The following TAOK1 variants were observed in gnomAD, a reference collection of about 807,000 sequenced individuals.
The protein encoded by TAOK1 is TAO kinase 1, also known as serine/threonine-protein kinase TAO1.
TAOK1 carries 21 observed loss-of-function variants against 138.3 expected under a neutral mutation model. That is an observed-to-expected ratio of 0.15 (90% CI 0.11 to 0.22). The LOEUF is 0.22. Among genes scored for constraint, TAOK1 ranks in the 10% least tolerant of loss-of-function variants. The pLI is 1.00. For missense variants in TAOK1, 651 were observed against 1,227.7 expected, an observed-to-expected ratio of 0.53 and a Z score of 7.02; for synonymous variants, 361 against 398.4, an observed-to-expected ratio of 0.91 and a Z score of 1.12.
intron 12 of TAOK1, among the ~76,000 whole-genome samples, chr17:29,501,672 A>G (rs1386388389): frequency 6.6e-6 from 1 of 152,198 alleles, no homozygotes; most frequent in African/African-American, 2.4e-5. Context: ...TATATTGGCT[A>G]CATGTTTCAT....
In TAOK1 at chr17:29,497,906, G is replaced by A. The variant is rs1032393145; in HGVS notation, c.1000-412G>A. On this transcript the variant is annotated intron_variant, in intron 11 of 19. Coordinates refer to ENST00000261716, the MANE Select transcript of TAOK1 (RefSeq NM_020791.4). ...CGCCGTAGGCACTGTGCCCAGAATA[G>A]CCAGTGCTTTTTTTTTTTAAAAGGA... 4.0e-5 allele frequency among the ~76,000 whole-genome samples: 6 copies of A among 151,668 alleles called. No homozygotes were observed. In the East Asian group the frequency reaches 7.7e-4, roughly 20 times the overall value.
intron 14 of TAOK1, 47 bp downstream of exon 14, chr17:29,508,179 T>G: frequency 6.5e-7 from 1 of 1,532,622 alleles, no homozygotes; most frequent in Non-Finnish European, 9.0e-7. Flanking sequence ...GTTTTGAATG[T>G]CTCAGAATTA....
intron 11 of TAOK1, among the ~76,000 whole-genome samples, chr17:29,496,650 C>T (rs558105159): frequency 3.7e-5 from 5 of 136,886 alleles, no homozygotes; most frequent in African/African-American, 8.2e-5. Flanking sequence ...TACAGTGGCA[C>T]GATCTCGGCT....
chr17:29,438,482 C>G (rs996651688), intron 1 of TAOK1, among the ~76,000 whole-genome samples: 3 of 152,066 alleles, frequency 2.0e-5, no homozygotes, highest in Non-Finnish European at 2.9e-5. Context: ...CTCAGAAGTT[C>G]GAGAATAGCG....
At chr17:29,413,984 G>A (rs530219506) in intron 1 of TAOK1, among the ~76,000 whole-genome samples, 69 of 139,898 alleles carry the variant, frequency 4.9e-4, no homozygotes, top group African/African-American at 1.7e-3. Context: ...CGGGGTTCAC[G>A]CCATTCTCCT....
At chr17:29,404,272 C>T (rs578098012) in intron 1 of TAOK1, among the ~76,000 whole-genome samples, 1 of 152,250 alleles carries the variant, frequency 6.6e-6, no homozygotes, top group East Asian at 1.9e-4. Flanking sequence ...AAGTGATCCT[C>T]CTGCCTCAGC....
rs894502622 is a variant in TAOK1, at chr17:29,534,280, A to C, written c.2524A>C (p.Arg842=). Residue 842 remains arginine (R), a synonymous_variant, in exon 19 of 20, where the codon AGG becomes CGG. Transcript: ENST00000261716. The part of the protein sequence containing the change: ...RELEQRVSLR[R]ALLEQKIEEE... ...GCTTGAACAGAGGGTCTCCCTCCGG[A>C]GGGCACTCTTAGAACAAAAGGTATA... is the stretch of plus-strand genomic sequence containing the variant. The C allele has an allele frequency of 6.2e-7, 1 of 1,604,734 alleles. No homozygotes were observed. The highest frequency in any genetic ancestry group is 1.7e-5 in the Admixed American group (1 of 58,102).
At chr17:29,428,732 T>G (rs1447075032) in intron 1 of TAOK1, among the ~76,000 whole-genome samples, 1 of 151,786 alleles carries the variant, frequency 6.6e-6, no homozygotes, top group Admixed American at 6.6e-5. Flanking sequence ...TGGGGGATCC[T>G]CCCACCTCAG....
At chr17:29,468,552 T>C (rs897968647) in intron 3 of TAOK1, among the ~76,000 whole-genome samples, 4 of 144,764 alleles carry the variant, frequency 2.8e-5, no homozygotes, top group African/African-American at 1.0e-4. Context: ...CTGGATATGA[T>C]CTTTTTTTTT....
chr17:29,415,374 T>C (rs4794856), intron 1 of TAOK1, among the ~76,000 whole-genome samples: 94,510 of 152,068 alleles, frequency 0.62, 30,595 homozygotes, highest in East Asian at 0.97. Flanking sequence ...AGTGAAATTG[T>C]TGGGTCACAT....
intron 3 of TAOK1, among the ~76,000 whole-genome samples, chr17:29,472,782 G>C (rs1446487111): frequency 1.3e-5 from 2 of 151,268 alleles, no homozygotes; most frequent in Non-Finnish European, 2.9e-5. Context: ...CTCCATGTCG[G>C]TCAGGCTAGT....
intron 9 of TAOK1, among the ~76,000 whole-genome samples, chr17:29,491,297 C>G (rs2031290032): frequency 6.6e-6 from 1 of 152,030 alleles, no homozygotes; most frequent in South Asian, 2.1e-4. Flanking sequence ...TAATGGAAGT[C>G]TTATCCATTT....
intron 17 of TAOK1, among the ~76,000 whole-genome samples, chr17:29,525,648 G>T (rs1203144466): frequency 6.6e-6 from 1 of 151,754 alleles, no homozygotes; most frequent in Non-Finnish European, 1.5e-5. Context: ...ACCCACCTCA[G>T]CTTCCCAAAC....
chr17:29,453,049 T>C (rs1418896524), intron 2 of TAOK1, among the ~76,000 whole-genome samples: 2 of 152,216 alleles, frequency 1.3e-5, no homozygotes, highest in African/African-American at 4.8e-5. Context: ...ACTGCCTAAC[T>C]GCACCACAGC....
At chr17:29,481,909 G>A (rs994329707) in intron 7 of TAOK1, among the ~76,000 whole-genome samples, 12 of 152,064 alleles carry the variant, frequency 7.9e-5, no homozygotes, top group Non-Finnish European at 1.5e-5. Flanking sequence ...GCAGTGAGCC[G>A]AGATTGCGCC....
intron 12 of TAOK1, among the ~76,000 whole-genome samples, chr17:29,499,232 T>C (rs1322627386): frequency 7.4e-6 from 1 of 135,102 alleles, no homozygotes; most frequent in Non-Finnish European, 1.5e-5. Context: ...TTTATATCTT[T>C]TTTTTTTTTT....
chr17:29,495,682 G>A lies in TAOK1; in HGVS notation c.954G>A (p.Gln318=), dbSNP rs777030078. ...QYRKMKKLLF[Q]EAHNGPAVEA... ...GAAAGATGAAGAAACTCCTTTTCCAGGAGGCACATAATGGACCAGCAGTAG... is the reference window on the plus strand; with the variant it reads ...GAAAGATGAAGAAACTCCTTTTCCAAGAGGCACATAATGGACCAGCAGTAG... The change falls in exon 11 of 20, where the codon CAG becomes CAA. Residue 318 remains glutamine (Q), a synonymous_variant. Transcript: ENST00000261716. The A allele has an allele frequency of 7.3e-5, 117 of 1,611,542 alleles. 1 individual carries two copies. The East Asian group carries it at 2.6e-3, about 35-fold the overall frequency.
chr17:29,533,174 G>T (rs1180957778), intron 18 of TAOK1, among the ~76,000 whole-genome samples: 1 of 149,812 alleles, frequency 6.7e-6, no homozygotes, highest in Non-Finnish European at 1.5e-5. Flanking sequence ...GGTCGCGGCC[G>T]GGCAGAGGCG....
intron 1 of TAOK1, among the ~76,000 whole-genome samples, chr17:29,450,651 A>T (rs189191886): frequency 1.2e-4 from 19 of 152,280 alleles, no homozygotes; most frequent in African/African-American, 4.3e-4. Context: ...AGCCAGGACT[A>T]TAAGTGCATG....
Sources: allele counts gnomAD v4.1 joint callset (sites outside exome capture counted in the v4.1 genomes callset), GRCh38; gene constraint gnomAD v4.1.1; transcripts MANE v1.5; gene names NCBI Gene and HGNC (gene_info 2026-07-23, HGNC 2026-07-21).